Variants in CASD1 observed in about 807,000 individuals in gnomAD.
The protein encoded by CASD1 is N-acetylneuraminate (7)9-O-acetyltransferase.
CASD1 carries 41 observed loss-of-function variants against 100.0 expected under a neutral mutation model. The ratio of observed to expected loss-of-function variants is 0.41; its 90% CI spans 0.32 to 0.53. The LOEUF (loss-of-function observed/expected upper bound fraction) is 0.53, where lower values mean the gene tolerates loss of function less well. Ranked by LOEUF, CASD1 falls within the 20% of genes least tolerant of loss-of-function variation. The pLI is 0.25. For missense variants in CASD1, 774 were observed against 948.7 expected, an observed-to-expected ratio of 0.82 and a Z score of 2.42; for synonymous variants, 321 against 315.6, an observed-to-expected ratio of 1.02 and a Z score of -0.18.
the CASD1 span, among the ~76,000 whole-genome samples, chr7:94,632,094 G>C: frequency 6.6e-6 from 1 of 151,960 alleles, no homozygotes; most frequent in African/African-American, 2.4e-5. Flanking sequence ...ATAATACTTA[G>C]AGGGATAGCA....
At chr7:94,517,702 A>C in intron 2 of CASD1, 46 bp downstream of exon 2, 1 of 1,160,508 alleles carries the variant, frequency 8.6e-7, no homozygotes, top group Non-Finnish European at 1.3e-6. Context: ...GATGGGTCTT[A>C]ATATGTAGTG....
the CASD1 span, among the ~76,000 whole-genome samples, chr7:94,565,354 C>T: frequency 6.6e-6 from 1 of 152,120 alleles, no homozygotes; most frequent in Non-Finnish European, 1.5e-5. Flanking sequence ...CTCTGGTGCT[C>T]TGTAACCCTA....
chr7:94,608,736 T>C, the CASD1 span, among the ~76,000 whole-genome samples: 2 of 152,106 alleles, frequency 1.3e-5, no homozygotes, highest in African/African-American at 4.8e-5. Flanking sequence ...AATAGATCAA[T>C]GAAACAGAAT....
chr7:94,533,039 C>G (rs1303928209), intron 5 of CASD1, among the ~76,000 whole-genome samples, 166 bp from the exon 6 acceptor site: 9 of 152,076 alleles, frequency 5.9e-5, no homozygotes, highest in Non-Finnish European at 8.8e-5. Context: ...TATCCTAAAT[C>G]TGTCTTGTTA....
At chr7:94,594,960 A>C in the CASD1 span, among the ~76,000 whole-genome samples, 3 of 152,108 alleles carry the variant, frequency 2.0e-5, no homozygotes, top group Non-Finnish European at 4.4e-5. Context: ...TTCCCTGTCC[A>C]CTGCCTCTTT....
At chr7:94,571,169 A>G in the CASD1 span, among the ~76,000 whole-genome samples, 1 of 151,632 alleles carries the variant, frequency 6.6e-6, no homozygotes, top group Non-Finnish European at 1.5e-5. Flanking sequence ...GCAGCCTCCC[A>G]AGTAGCTGGT....
chr7:94,513,978 G>A (rs530337105), intron 1 of CASD1, among the ~76,000 whole-genome samples: 1 of 152,100 alleles, frequency 6.6e-6, no homozygotes, highest in Admixed American at 6.5e-5. Flanking sequence ...ATCTCAAAAT[G>A]TCCATTATTA....
At chr7:94,581,666 G>A in the CASD1 span, among the ~76,000 whole-genome samples, 3 of 152,086 alleles carry the variant, frequency 2.0e-5, no homozygotes, top group African/African-American at 4.8e-5. Flanking sequence ...AAGGATAATG[G>A]CCTCCAGCCC....
At chr7:94,594,889 C>T in the CASD1 span, among the ~76,000 whole-genome samples, 1 of 152,098 alleles carries the variant, frequency 6.6e-6, no homozygotes. Context: ...AAAAGAAACA[C>T]AGTACAAAAT....
the CASD1 span, chr7:94,587,115 T>C: frequency 2.0e-6 from 2 of 983,934 alleles, no homozygotes; most frequent in Non-Finnish European, 2.4e-6. Context: ...TTTTATAAAT[T>C]AGGTTAAACA....
At chr7:94,534,160 T>C (rs1794994567) in intron 7 of CASD1, among the ~76,000 whole-genome samples, 1 of 21,978 alleles carries the variant, frequency 4.6e-5, no homozygotes, top group Admixed American at 4.2e-4. Context: ...TGTTTCATAA[T>C]TTTTTTTTTT....
At chr7:94,511,185 A>G (rs1171842679) in intron 1 of CASD1, among the ~76,000 whole-genome samples, 1 of 152,158 alleles carries the variant, frequency 6.6e-6, no homozygotes, top group African/African-American at 2.4e-5. Context: ...GGCTCTTAAT[A>G]CTATCAAAGC....
chr7:94,524,035 C>T (rs996782583), intron 3 of CASD1, among the ~76,000 whole-genome samples: 8 of 151,782 alleles, frequency 5.3e-5, no homozygotes, highest in Non-Finnish European at 1.2e-4. Flanking sequence ...CTAGTAAAAT[C>T]GTTTCTAGAT....
intron 13 of CASD1, among the ~76,000 whole-genome samples, chr7:94,548,207 G>A (rs753832342): frequency 2.0e-5 from 3 of 151,730 alleles, no homozygotes; most frequent in Non-Finnish European, 3.0e-5. Flanking sequence ...TTTCCCTAGC[G>A]TTGGGTCAGT....
chr7:94,599,031 G>C, the CASD1 span: 3 of 1,137,998 alleles, frequency 2.6e-6, no homozygotes, highest in Non-Finnish European at 3.8e-6. Flanking sequence ...TCATCAATTT[G>C]AAAAACTTAT....
At chr7:94,588,229 T>C in the CASD1 span, 222 of 1,049,790 alleles carry the variant, frequency 2.1e-4, no homozygotes, top group African/African-American at 3.1e-3. Flanking sequence ...TAACAGCTTT[T>C]TAAAGCGGCT....
chr7:94,606,622 G>A, the CASD1 span, among the ~76,000 whole-genome samples: 1 of 152,148 alleles, frequency 6.6e-6, no homozygotes, highest in Non-Finnish European at 1.5e-5. Context: ...ATCATCAGTC[G>A]ACAGGTTTTA....
At chr7:94,606,455 T>A in the CASD1 span, among the ~76,000 whole-genome samples, 1 of 152,168 alleles carries the variant, frequency 6.6e-6, no homozygotes, top group Non-Finnish European at 1.5e-5. Context: ...ATATGCCTCA[T>A]AACAGTGCAT....
the CASD1 span, chr7:94,624,378 GAGTT>G: frequency 1.0e-5 from 4 of 395,266 alleles, no homozygotes; most frequent in Non-Finnish European, 1.8e-5. Flanking sequence ...TGAAAATACT[GAGTT>G]AGAACAGTAA....
Sources: allele counts gnomAD v4.1 joint callset (sites outside exome capture counted in the v4.1 genomes callset), GRCh38; gene constraint gnomAD v4.1.1; transcripts MANE v1.5; gene names NCBI Gene and HGNC (gene_info 2026-07-23, HGNC 2026-07-21).